GPR155: variants seen among roughly 807,000 people sequenced by gnomAD.
GPR155 encodes G protein-coupled receptor 155.
In GPR155, 65 loss-of-function variants were observed where a neutral mutation model predicts 93.1. That is an observed-to-expected ratio of 0.70 (90% CI 0.57 to 0.86). The LOEUF is 0.86. Ranked by LOEUF, GPR155 falls within the 40% of genes least tolerant of loss-of-function variation. GPR155 has a pLI of 0.00. For missense variants in GPR155, 838 were observed against 1,034.8 expected, an observed-to-expected ratio of 0.81 and a Z score of 2.61; for synonymous variants, 319 against 360.1, an observed-to-expected ratio of 0.89 and a Z score of 1.29.
chr2:174,479,737 T>C (rs901419744), intron 2 of GPR155, among the ~76,000 whole-genome samples: 1 of 152,240 alleles, frequency 6.6e-6, no homozygotes, highest in Non-Finnish European at 1.5e-5. Flanking sequence ...AAGGTCCTTA[T>C]ACCATAAATA....
intron 2 of GPR155, among the ~76,000 whole-genome samples, chr2:174,475,663 T>C (rs1688145364): frequency 6.6e-6 from 1 of 152,150 alleles, no homozygotes; most frequent in African/African-American, 2.4e-5. Flanking sequence ...AAGTTAGTGG[T>C]TTTCTTTCAG....
chr2:174,446,308 A>G (rs1687124844), intron 12 of GPR155, among the ~76,000 whole-genome samples: 2 of 5,226 alleles, frequency 3.8e-4, no homozygotes, highest in Admixed American at 3.6e-3. Flanking sequence ...CTCTGTCTCA[A>G]AAAAAAAAAA....
chr2:174,486,070 C>G (rs1267928370), intron 1 of GPR155, among the ~76,000 whole-genome samples: 1 of 152,218 alleles, frequency 6.6e-6, no homozygotes, highest in African/African-American at 2.4e-5. Flanking sequence ...AACTCTCAGG[C>G]TATTTCTCAA....
intron 1 of GPR155, 66 bp from the exon 2 acceptor site, chr2:174,482,053 G>A: frequency 1.3e-6 from 1 of 771,784 alleles, no homozygotes; most frequent in South Asian, 1.8e-5. Context: ...ATAATACACT[G>A]GCAAACCTAG....
In GPR155 at chr2:174,445,182, A is replaced by C. The variant is rs766603252; in HGVS notation, c.2014-6T>G. The C allele has an allele frequency of 7.1e-7, 1 of 1,408,340 alleles. No individual in the cohort carries two copies. The highest frequency in any genetic ancestry group is 1.0e-6 in the Non-Finnish European group (1 of 993,080). 87.2% of individuals were successfully genotyped at this position (1,408,340 alleles called of 1,614,324 possible). A position where few individuals can be genotyped will look rare whatever the true frequency, so the allele number is the denominator to read the frequency against. On this transcript the variant is annotated splice_polypyrimidine_tract_variant and splice_region_variant and intron_variant, in intron 12 of 15. Transcript: ENST00000392552. Reference sequence around the variant, plus strand: ...CATAAACAACTGGAAAGATTCTGTAAAGAAAGGAGAAAAGAGTATTTTAAA... The same window carrying C: ...CATAAACAACTGGAAAGATTCTGTACAGAAAGGAGAAAAGAGTATTTTAAA...
chr2:174,432,044 G>A lies in GPR155; in HGVS notation c.*4072C>T, dbSNP rs982977091. ...TTGGAAATGATGAAATGTATGAAAA[G>A]GACTCAATGTCATATTGACTCATTC... On this transcript the variant is annotated 3_prime_UTR_variant, in exon 16 of 16. Coordinates refer to ENST00000392552, the MANE Select transcript of GPR155 (RefSeq NM_152529.7). The A allele has an allele frequency of 2.0e-5, 3 of 152,156 alleles. No homozygotes were observed. The highest frequency in any genetic ancestry group is 7.2e-5 in the African/African-American group (3 of 41,432). The allele number at this position is 152,156 out of a possible 1,614,324, so 9.4% of individuals were successfully genotyped here.
intron 10 of GPR155, among the ~76,000 whole-genome samples, chr2:174,455,297 C>T (rs573178825): frequency 6.6e-6 from 1 of 152,132 alleles, no homozygotes; most frequent in South Asian, 2.1e-4. Context: ...ACATGAGTGC[C>T]GAGTGCTGGA....
At position 174,459,923 on chromosome 2, in the gene GPR155, G is replaced by A. The variant is rs1234451604; in HGVS notation, c.1726C>T (p.Pro576Ser). 1 of 1,613,874 alleles carries A rather than the reference G, an allele frequency of 6.2e-7. No individual in the cohort carries two copies. Among genetic ancestry groups the A allele is most frequent in the Admixed American group, 1.7e-5 (1 of 60,010 alleles). Residue 576 changes from proline (P) to serine (S), a missense_variant, in exon 10 of 16, where the codon CCA becomes TCA. Pro to Ser is a moderately conservative substitution (Grantham distance 74, BLOSUM62 -1). Coordinates refer to ENST00000392552, the MANE Select transcript of GPR155 (RefSeq NM_152529.7). Reference protein sequence around the residue: ...GNTAFEESPAPVNEPELFTSS... With the variant: ...GNTAFEESPASVNEPELFTSS... ...GTAAAAAGTTCTGGTTCATTTACTG[G>A]TGCTGGACTCTCCTCAAAAGCAGTA...
intron 12 of GPR155, among the ~76,000 whole-genome samples, chr2:174,445,723 T>C (rs1687100826): frequency 6.6e-6 from 1 of 152,168 alleles, no homozygotes; most frequent in Admixed American, 6.5e-5. Context: ...AATTCACAAA[T>C]AGGACATTTA....
chr2:174,454,885 A>T (rs1167383549), intron 10 of GPR155, among the ~76,000 whole-genome samples: 1 of 150,594 alleles, frequency 6.6e-6, no homozygotes, highest in Non-Finnish European at 1.5e-5. Flanking sequence ...AAGAGAAGGA[A>T]GGGAAAGGAA....
intron 7 of GPR155, among the ~76,000 whole-genome samples, chr2:174,465,061 T>G (rs1384325424): frequency 6.6e-6 from 1 of 152,224 alleles, no homozygotes; most frequent in Non-Finnish European, 1.5e-5. Context: ...CATACCAGAA[T>G]GCATGCATCC....
intron 4 of GPR155, 115 bp from the exon 5 acceptor site, chr2:174,469,182 CATT>C (rs1166645775): frequency 3.3e-5 from 27 of 825,848 alleles, no homozygotes; most frequent in Non-Finnish European, 4.7e-5. Context: ...ACAGTAAAGA[CATT>C]ATAAAATCCA....
At position 174,461,394 on chromosome 2, in the gene GPR155, C is replaced by A; in HGVS notation, c.1560+8G>T. ...TCAAGAACAGAACTGCCAGTAAACT[C>A]TTCCCACCTGTTCTTTTCCATAAAA... On this transcript the variant is annotated splice_region_variant and intron_variant, in intron 9 of 15. Coordinates refer to ENST00000392552, the MANE Select transcript of GPR155 (RefSeq NM_152529.7). The A allele has an allele frequency of 6.3e-7, 1 of 1,584,194 alleles. No individual in the cohort carries two copies. The highest frequency in any genetic ancestry group is 8.7e-7 in the Non-Finnish European group (1 of 1,152,910).
rs1326620489 is a variant in GPR155, at chr2:174,466,583, C to G, written c.1227G>C (p.Gln409His). The G allele has an allele frequency of 1.9e-5, 30 of 1,593,012 alleles. No individual in the cohort carries two copies. In the Admixed American group the frequency reaches 4.9e-4, roughly 26 times the overall value. The change falls in exon 6 of 16, where the codon CAG becomes CAC. Residue 409 changes from glutamine to histidine, a missense_variant. Gln to His is a conservative substitution (Grantham distance 24, BLOSUM62 0). Transcript: ENST00000392552. ...AATTAGTTGTAAGCATATGAGGAAGCTGTTTATATTTCTTACTCAAAAGAA... is the reference window on the plus strand; with the variant it reads ...AATTAGTTGTAAGCATATGAGGAAGGTGTTTATATTTCTTACTCAAAAGAA... The part of the protein sequence containing the change: ...AILLLSKKYK[Q>H]LPHMLTTNLL...
chr2:174,447,279 G>A (rs915415656), intron 11 of GPR155, among the ~76,000 whole-genome samples: 3 of 149,822 alleles, frequency 2.0e-5, no homozygotes, highest in African/African-American at 4.9e-5. Flanking sequence ...AGAGGTTGTG[G>A]TGAGCCAAGA....
intron 1 of GPR155, among the ~76,000 whole-genome samples, chr2:174,484,349 G>A (rs912054393): frequency 5.3e-5 from 8 of 152,114 alleles, no homozygotes; most frequent in Non-Finnish European, 1.0e-4. Flanking sequence ...CCCTTAAGAC[G>A]GTGTGTACTT....
At chr2:174,438,274 A>G (rs1427898764) in intron 15 of GPR155, among the ~76,000 whole-genome samples, 2 of 152,066 alleles carry the variant, frequency 1.3e-5, no homozygotes, top group African/African-American at 4.8e-5. Flanking sequence ...GGAGCTGTAC[A>G]AAGTGGCAGA....
At position 174,455,670 on chromosome 2, in the gene GPR155, G is replaced by A. The variant is rs529081245; in HGVS notation, c.1772-1829C>T. 8.5e-5 allele frequency among the ~76,000 whole-genome samples: 13 copies of A among 152,260 alleles called. No individual in the cohort carries two copies. The South Asian group carries it at 1.4e-3, about 17-fold the overall frequency. On this transcript the variant is annotated intron_variant, in intron 10 of 15. Transcript: ENST00000392552. ...GGACCCTGCAGAGGGAGAACTCCAC[G>A]CCCTGAATGGCTAATTCACCTCAAG... is the stretch of plus-strand genomic sequence containing the variant.
intron 11 of GPR155, among the ~76,000 whole-genome samples, chr2:174,453,526 G>C (rs932882628): frequency 3.3e-5 from 5 of 152,088 alleles, no homozygotes; most frequent in Non-Finnish European, 5.9e-5. Flanking sequence ...TGGGCATGGT[G>C]GTGGGCGCCT....
Sources: gnomAD v4.1 joint callset for allele counts (sites outside exome capture counted in the v4.1 genomes callset) on GRCh38, gnomAD v4.1.1 for gene constraint, MANE v1.5 for transcripts, NCBI Gene and HGNC (gene_info 2026-07-23, HGNC 2026-07-21) for gene names.